The following LRRIQ1 variants were observed in gnomAD, a reference collection of about 807,000 sequenced individuals.
LRRIQ1 encodes leucine rich repeats and IQ motif containing 1.
Under a neutral mutation model 211.9 loss-of-function variants are expected in LRRIQ1, and 210 were observed. That is an observed-to-expected ratio of 0.99 (90% CI 0.89 to 1.11). The LOEUF (loss-of-function observed/expected upper bound fraction) is 1.11. Ranked by LOEUF, LRRIQ1 falls within the 50% of genes most tolerant of loss-of-function variation. LRRIQ1 has a pLI of 0.00. For missense variants in LRRIQ1, 2,136 were observed against 1,939.5 expected (o/e 1.10, Z -1.90); for synonymous variants, 699 against 650.1 (o/e 1.08, Z -1.14).
intron 11 of LRRIQ1, among the ~76,000 whole-genome samples, chr12:85,093,873 C>A (rs1885633760): frequency 1.3e-5 from 2 of 152,178 alleles, no homozygotes; most frequent in African/African-American, 2.4e-5. Context: ...CCTATCTCAG[C>A]TTTCAAAAGA....
At chr12:85,131,874 G>A (rs1300744405) in intron 18 of LRRIQ1, among the ~76,000 whole-genome samples, 1 of 152,142 alleles carries the variant, frequency 6.6e-6, no homozygotes, top group Non-Finnish European at 1.5e-5. Flanking sequence ...GGATAAAAAT[G>A]TGACTTAGTC....
chr12:85,132,294 A>G (rs1374924457), intron 18 of LRRIQ1, among the ~76,000 whole-genome samples: 1 of 152,136 alleles, frequency 6.6e-6, no homozygotes. Context: ...AGGAAAAAAG[A>G]TAATCAAGAG....
At position 85,197,377 on chromosome 12, in the gene LRRIQ1, C is replaced by A. The variant is rs140287439; in HGVS notation, c.4823-32140C>A. 1.3e-4 allele frequency among the ~76,000 whole-genome samples: 20 copies of A among 150,936 alleles called. No homozygotes were observed. The East Asian group carries it at 2.6e-3, about 19-fold the overall frequency. On this transcript the variant is annotated intron_variant, in intron 24 of 26. Transcript: ENST00000393217. ...CATGCTGCTATAAAGACACATGCAC[C>A]TGTATGTTTATTGCGGCATTATTCA...
chr12:85,135,293 T>A (rs375761592), intron 18 of LRRIQ1, among the ~76,000 whole-genome samples: 1 of 151,886 alleles, frequency 6.6e-6, no homozygotes, highest in South Asian at 2.1e-4. Flanking sequence ...GATACTAAGA[T>A]CTACTGTTTG....
chr12:85,125,047 CG>C, intron 17 of LRRIQ1, among the ~76,000 whole-genome samples: 1 of 151,610 alleles, frequency 6.6e-6, no homozygotes, highest in Non-Finnish European at 1.5e-5. Context: ...GGCGTTGTGG[CG>C]GGTGCCTGTA....
the LRRIQ1 span, among the ~76,000 whole-genome samples, chr12:85,269,902 G>A: frequency 6.6e-6 from 1 of 151,960 alleles, no homozygotes. Context: ...TGAGATCAGG[G>A]TGTCAGTATT....
At chr12:85,174,700 T>A (rs1478952921) in intron 24 of LRRIQ1, among the ~76,000 whole-genome samples, 13 of 12,432 alleles carry the variant, frequency 1.0e-3, no homozygotes, top group South Asian at 7.1e-3. Context: ...AGAGTACAGC[T>A]CAAAAAAAAA....
At chr12:85,073,122 T>G in intron 11 of LRRIQ1, 24 bp downstream of exon 11, 1 of 1,534,780 alleles carries the variant, frequency 6.5e-7, no homozygotes, top group Non-Finnish European at 8.9e-7. Flanking sequence ...ATTTTTTATT[T>G]TGTTACTCTT....
At chr12:85,045,856 A>G (rs1287757708) in intron 4 of LRRIQ1, among the ~76,000 whole-genome samples, 164 bp from the exon 5 acceptor site, 1 of 152,054 alleles carries the variant, frequency 6.6e-6, no homozygotes, top group Non-Finnish European at 1.5e-5. Context: ...TATTCATTGT[A>G]AAGAGAATAA....
chr12:85,170,418 A>G (rs1270746877), intron 24 of LRRIQ1, among the ~76,000 whole-genome samples: 1 of 151,096 alleles, frequency 6.6e-6, no homozygotes, highest in South Asian at 2.1e-4. Context: ...ATAAGGAGTC[A>G]TATATACTAT....
chr12:85,202,975 T>G (rs1893371343), intron 24 of LRRIQ1, among the ~76,000 whole-genome samples: 1 of 152,190 alleles, frequency 6.6e-6, no homozygotes, highest in South Asian at 2.1e-4. Context: ...AAGGCAGTTC[T>G]GGTGGTAGGA....
At chr12:85,174,541 A>C (rs1337224101) in intron 24 of LRRIQ1, among the ~76,000 whole-genome samples, 3 of 133,664 alleles carry the variant, frequency 2.2e-5, no homozygotes, top group Non-Finnish European at 4.9e-5. Flanking sequence ...CTAAAAATAC[A>C]AAAAAAAAAA....
At chr12:85,102,788 A>G (rs1886444906) in intron 13 of LRRIQ1, among the ~76,000 whole-genome samples, 1 of 151,192 alleles carries the variant, frequency 6.6e-6, no homozygotes, top group African/African-American at 2.4e-5. Flanking sequence ...TTCCAGGACA[A>G]CTGGAGGGAG....
intron 18 of LRRIQ1, among the ~76,000 whole-genome samples, chr12:85,133,808 A>T (rs1387231174): frequency 6.6e-6 from 1 of 152,136 alleles, no homozygotes; most frequent in Non-Finnish European, 1.5e-5. Context: ...GGAAGAAGGA[A>T]GGTTAACATT....
intron 10 of LRRIQ1, among the ~76,000 whole-genome samples, chr12:85,069,300 ATGG>A (rs1882808288): frequency 6.6e-6 from 1 of 152,020 alleles, no homozygotes; most frequent in Admixed American, 6.6e-5. Context: ...ATAGTATTCC[ATGG>A]TGTATATGTG....
chr12:85,172,636 G>T (rs1188754886), intron 24 of LRRIQ1, among the ~76,000 whole-genome samples: 2 of 152,104 alleles, frequency 1.3e-5, no homozygotes, highest in Middle Eastern at 3.2e-3. Flanking sequence ...GCAAATATGG[G>T]AATATTAGGA....
chr12:85,153,267 A>T, intron 21 of LRRIQ1, 122 bp downstream of exon 21: 1 of 1,038,774 alleles, frequency 9.6e-7, no homozygotes, highest in Non-Finnish European at 1.4e-6. Context: ...CAGAATATTT[A>T]GTGTTAAAAA....
intron 19 of LRRIQ1, among the ~76,000 whole-genome samples, chr12:85,146,214 T>G (rs566238042): frequency 6.6e-6 from 1 of 151,912 alleles, no homozygotes; most frequent in African/African-American, 2.4e-5. Flanking sequence ...GAAGCTGAAC[T>G]GAATGCTTTC....
intron 24 of LRRIQ1, among the ~76,000 whole-genome samples, chr12:85,198,031 AACATATATAATATATT>A (rs1893063748): frequency 4.1e-5 from 3 of 73,110 alleles, no homozygotes; most frequent in Non-Finnish European, 4.3e-5. Flanking sequence ...TATTATATAT[AACATATATAATATATT>A]ATATAATTAT....
Sources: gnomAD v4.1 joint callset for allele counts (sites outside exome capture counted in the v4.1 genomes callset) on GRCh38, gnomAD v4.1.1 for gene constraint, MANE v1.5 for transcripts, NCBI Gene and HGNC (gene_info 2026-07-23, HGNC 2026-07-21) for gene names.